Variants in CHMP3 observed in about 807,000 individuals in gnomAD.
CHMP3 encodes 25.1 protein.
In CHMP3, 8 loss-of-function variants were observed where a neutral mutation model predicts 27.4. The ratio of observed to expected loss-of-function variants is 0.29; its 90% CI spans 0.17 to 0.53. The LOEUF (loss-of-function observed/expected upper bound fraction) is 0.53, where lower values mean the gene tolerates loss of function less well. Ranked by LOEUF, CHMP3 falls within the 20% of genes least tolerant of loss-of-function variation. The pLI is 0.96. For synonymous variants in CHMP3, 86 were observed against 85.5 expected, an observed-to-expected ratio of 1.01 and a Z score of -0.03; for missense variants, 208 against 271.5, an observed-to-expected ratio of 0.77 and a Z score of 1.64.
At position 86,504,652 on chromosome 2, in the gene CHMP3, TG is replaced by T. The variant is rs1674823753; in HGVS notation, c.*1151del. On this transcript the variant is annotated 3_prime_UTR_variant, in exon 6 of 6. Coordinates refer to ENST00000263856, the MANE Select transcript of CHMP3 (RefSeq NM_016079.4). ...ATGAACCACCGCACCCAGCCAAGAT[TG>T]CCATTTTGTATGATGAGACTGGAAG... 1 of 151,902 alleles carries T rather than the reference TG, an allele frequency of 6.6e-6. No homozygotes were observed. The highest frequency in any genetic ancestry group is 2.1e-4 in the South Asian group (1 of 4,816). 9.4% of individuals were successfully genotyped at this position (151,902 alleles called of 1,614,324 possible). A position where few individuals can be genotyped will look rare whatever the true frequency, so the allele number is the denominator to read the frequency against.
At chr2:86,553,818 T>C (rs1677006149) in intron 1 of CHMP3, among the ~76,000 whole-genome samples, 1 of 152,206 alleles carries the variant, frequency 6.6e-6, no homozygotes, top group African/African-American at 2.4e-5. Flanking sequence ...CAATATGAAA[T>C]GTTGCAAAAT....
At chr2:86,555,515 A>AAG (rs768385288) in intron 1 of CHMP3, among the ~76,000 whole-genome samples, 1 of 136,548 alleles carries the variant, frequency 7.3e-6, no homozygotes, top group Non-Finnish European at 1.6e-5. Context: ...AAAAAAATAA[A>AAG]TAAATAAATA....
intron 2 of CHMP3, among the ~76,000 whole-genome samples, chr2:86,536,451 GGCTTTTGTTTATCTGAC>G (rs1676145357): frequency 6.6e-6 from 1 of 151,736 alleles, no homozygotes; most frequent in African/African-American, 2.4e-5. Flanking sequence ...AAACTCCCAT[GGCTTTTGTTTATCTGAC>G]AGTTTTGCTA....
intron 2 of CHMP3, chr2:86,541,049 G>A (rs1283049882): frequency 6.6e-6 from 1 of 152,034 alleles, no homozygotes; most frequent in East Asian, 1.9e-4. Context: ...AATCAGCCGT[G>A]AAGTCTTTTA....
intron 2 of CHMP3, among the ~76,000 whole-genome samples, chr2:86,537,005 C>A (rs113385788): frequency 0.02 from 2,983 of 152,096 alleles, 114 homozygotes; most frequent in African/African-American, 0.068. Flanking sequence ...GGACTACAGG[C>A]ATGTACCACC....
At chr2:86,518,006 C>T (rs1359099517) in intron 3 of CHMP3, among the ~76,000 whole-genome samples, 1 of 152,044 alleles carries the variant, frequency 6.6e-6, no homozygotes, top group Non-Finnish European at 1.5e-5. Context: ...GGCAACAGAC[C>T]CTATCTCAAA....
At chr2:86,535,797 C>T (rs548741669) in intron 2 of CHMP3, among the ~76,000 whole-genome samples, 10 of 152,128 alleles carry the variant, frequency 6.6e-5, no homozygotes, top group South Asian at 2.1e-4. Context: ...TAAGCCACTG[C>T]GCCCAGCCTG....
chr2:86,554,870 T>G (rs1345487223), intron 1 of CHMP3, among the ~76,000 whole-genome samples: 3 of 145,092 alleles, frequency 2.1e-5, no homozygotes, highest in Non-Finnish European at 4.6e-5. Context: ...TTTTTTGAGA[T>G]GGAGTCCCGC....
chr2:86,524,424 T>C (rs565788053), intron 3 of CHMP3, among the ~76,000 whole-genome samples: 21 of 152,286 alleles, frequency 1.4e-4, no homozygotes, highest in African/African-American at 4.3e-4. Flanking sequence ...ATCAAAAATA[T>C]TCAACAACAA....
At chr2:86,554,261 G>A (rs1229403233) in intron 1 of CHMP3, among the ~76,000 whole-genome samples, 1 of 152,172 alleles carries the variant, frequency 6.6e-6, no homozygotes, top group East Asian at 1.9e-4. Context: ...GTAGTATTTT[G>A]TGATAGCAAC....
chr2:86,554,061 C>A (rs895125688), intron 1 of CHMP3, among the ~76,000 whole-genome samples: 6 of 152,202 alleles, frequency 3.9e-5, no homozygotes, highest in African/African-American at 1.4e-4. Flanking sequence ...GGAATTAATG[C>A]CCTTATAAAA....
At chr2:86,559,173 CA>C (rs1677249424) in intron 1 of CHMP3, among the ~76,000 whole-genome samples, 1 of 152,210 alleles carries the variant, frequency 6.6e-6, no homozygotes. Context: ...CTGGACATAA[CA>C]AAAAGGCAGA....
At chr2:86,536,294 G>A (rs188727352) in intron 2 of CHMP3, among the ~76,000 whole-genome samples, 77 of 152,178 alleles carry the variant, frequency 5.1e-4, no homozygotes, top group Admixed American at 1.1e-3. Context: ...CACCACGCCC[G>A]GCCTAAACCT....
At chr2:86,544,852 T>C (rs1208397613) in intron 1 of CHMP3, among the ~76,000 whole-genome samples, 1 of 152,234 alleles carries the variant, frequency 6.6e-6, no homozygotes, top group Admixed American at 6.5e-5. Context: ...GGTTGCTGTC[T>C]CTTCGGAGCT....
At chr2:86,526,088 AT>A (rs1041832146) in intron 3 of CHMP3, among the ~76,000 whole-genome samples, 4 of 152,256 alleles carry the variant, frequency 2.6e-5, no homozygotes, top group Non-Finnish European at 4.4e-5. Context: ...TACAGTATAT[AT>A]GAAATGAACA....
chr2:86,512,924 T>C (rs1354582533), intron 3 of CHMP3, among the ~76,000 whole-genome samples: 1 of 152,162 alleles, frequency 6.6e-6, no homozygotes, highest in Non-Finnish European at 1.5e-5. Flanking sequence ...TCATTACTGA[T>C]GGGAATGCAA....
chr2:86,555,503 A>AT (rs1185978319), intron 1 of CHMP3, among the ~76,000 whole-genome samples: 4 of 150,622 alleles, frequency 2.7e-5, no homozygotes, highest in Non-Finnish European at 5.9e-5. Flanking sequence ...TCCATCTCAA[A>AT]AAAAAAAATA....
intron 2 of CHMP3, 117 bp from the exon 3 acceptor site, chr2:86,529,514 A>C: frequency 1.0e-6 from 1 of 999,382 alleles, no homozygotes; most frequent in Non-Finnish European, 1.3e-6. Context: ...AGAAGGATAT[A>C]CATAAAATCA....
At chr2:86,546,705 TG>T (rs1282765426) in intron 1 of CHMP3, among the ~76,000 whole-genome samples, 2 of 152,184 alleles carry the variant, frequency 1.3e-5, no homozygotes, top group Non-Finnish European at 2.9e-5. Context: ...CCCAAAGTGC[TG>T]GGATTAAAGG....
Sources: gnomAD v4.1 joint callset for allele counts (sites outside exome capture counted in the v4.1 genomes callset) on GRCh38, gnomAD v4.1.1 for gene constraint, MANE v1.5 for transcripts, NCBI Gene and HGNC (gene_info 2026-07-23, HGNC 2026-07-21) for gene names.